GLIS3: variants seen among roughly 807,000 people sequenced by gnomAD.
GLIS3 encodes the protein zinc finger protein GLIS3.
A neutral mutation model predicts 78.6 loss-of-function variants in GLIS3; 53 were observed. The ratio of observed to expected loss-of-function variants is 0.67; its 90% CI spans 0.54 to 0.85. The LOEUF (loss-of-function observed/expected upper bound fraction) is 0.85, where lower values mean the gene tolerates loss of function less well. Among genes scored for constraint, GLIS3 ranks in the 40% least tolerant of loss-of-function variants. GLIS3 has a pLI of 0.00. For synonymous variants in GLIS3, 684 were observed against 509.9 expected (o/e 1.34, Z -4.60); for missense variants, 1,703 against 1,231.1 (o/e 1.38, Z -5.74).
At chr9:4,157,216 G>A (rs1166016950) in intron 2 of GLIS3, among the ~76,000 whole-genome samples, 1 of 152,178 alleles carries the variant, frequency 6.6e-6, no homozygotes, top group East Asian at 1.9e-4. Flanking sequence ...TAAGAATAAG[G>A]AGACACCAGG....
intron 2 of GLIS3, among the ~76,000 whole-genome samples, chr9:4,324,937 T>A (rs994553187): frequency 1.3e-5 from 2 of 152,234 alleles, no homozygotes; most frequent in Non-Finnish European, 2.9e-5. Flanking sequence ...GCAGTTAACA[T>A]TTACTGAGAA....
the GLIS3 span, among the ~76,000 whole-genome samples, chr9:4,411,886 G>C: frequency 6.6e-6 from 1 of 152,132 alleles, no homozygotes; most frequent in Non-Finnish European, 1.5e-5. Context: ...AACACTTTTG[G>C]TTAAAAATAC....
the GLIS3 span, among the ~76,000 whole-genome samples, chr9:4,460,574 T>G: frequency 2.1e-5 from 2 of 96,794 alleles, no homozygotes; most frequent in African/African-American, 4.3e-5. Context: ...CCCCCGAGTT[T>G]AAATATGAGG....
At chr9:4,043,116 G>A (rs1824961606) in intron 4 of GLIS3, among the ~76,000 whole-genome samples, 1 of 152,068 alleles carries the variant, frequency 6.6e-6, no homozygotes, top group Non-Finnish European at 1.5e-5. Context: ...CAGCTTCCCA[G>A]CCCCTCCCCT....
rs1412296795 is a variant in GLIS3 at position 4,323,951 on chromosome 9, A to AC, written n.265-13424dup. On this transcript the variant is annotated intron_variant and non_coding_transcript_variant, in intron 2 of 4. Coordinates refer to the GLIS3 transcript ENST00000471664. ...TGCATGACTTTGTTATATTTTTAGC[A>AC]CCATCGTCATTCTTTCATTTACTCA... Among the ~76,000 whole-genome samples the AC allele has an allele frequency of 2.0e-5, 3 of 152,220 alleles. No homozygotes were observed. In the East Asian group the frequency reaches 5.8e-4, roughly 29 times the overall value.
At chr9:4,280,071 G>A (rs1379849074) in intron 2 of GLIS3, among the ~76,000 whole-genome samples, 2 of 152,142 alleles carry the variant, frequency 1.3e-5, no homozygotes, top group Non-Finnish European at 2.9e-5. Context: ...CCAGGCTTGA[G>A]TGCAGTGGCA....
chr9:3,853,210 A>T (rs1425733402), intron 9 of GLIS3, among the ~76,000 whole-genome samples: 1 of 152,220 alleles, frequency 6.6e-6, no homozygotes, highest in East Asian at 1.9e-4. Context: ...GTCTCTAAAA[A>T]GTAAATTGTT....
At chr9:3,980,067 T>C (rs978505844) in intron 4 of GLIS3, among the ~76,000 whole-genome samples, 1 of 152,182 alleles carries the variant, frequency 6.6e-6, no homozygotes, top group African/African-American at 2.4e-5. Context: ...AAAGGACTGT[T>C]GGTGTCTGGA....
rs529362277 is a variant in GLIS3 at position 3,842,228 on chromosome 9, T to C, written c.2474-12736A>G. Among the ~76,000 whole-genome samples, 8 of 152,174 alleles carry C rather than the reference T, an allele frequency of 5.3e-5. No individual in the cohort carries two copies. The South Asian group carries it at 1.7e-3, about 32-fold the overall frequency. The stretch of plus-strand genomic sequence containing the variant: ...GTGGCTCACATCTGTAATCCCAGCA[T>C]GTTGGGAGGCCGAGATGGGTGGATC... On this transcript the variant is annotated intron_variant, in intron 9 of 10. Coordinates refer to ENST00000381971, the MANE Select transcript of GLIS3 (RefSeq NM_001042413.2).
At chr9:4,090,255 C>T (rs1353434750) in intron 4 of GLIS3, among the ~76,000 whole-genome samples, 1 of 152,158 alleles carries the variant, frequency 6.6e-6, no homozygotes, top group Non-Finnish European at 1.5e-5. Flanking sequence ...GTGCTGCCTT[C>T]CTGCCTACAG....
chr9:4,381,828 C>T, the GLIS3 span, among the ~76,000 whole-genome samples: 5 of 152,174 alleles, frequency 3.3e-5, no homozygotes, highest in Admixed American at 2.6e-4. Context: ...TTATTTCTTT[C>T]TTATACTCTC....
chr9:4,270,689 C>G (rs1000126212), intron 2 of GLIS3, among the ~76,000 whole-genome samples: 1 of 152,176 alleles, frequency 6.6e-6, no homozygotes, highest in Non-Finnish European at 1.5e-5. Context: ...CTTCTTGCAG[C>G]CTAATGAATT....
At chr9:4,367,108 A>T in the GLIS3 span, among the ~76,000 whole-genome samples, 1 of 152,230 alleles carries the variant, frequency 6.6e-6, no homozygotes. Flanking sequence ...GACAAAAATC[A>T]TATTACTCAA....
chr9:4,331,139 C>T (rs1817678981), intron 2 of GLIS3, among the ~76,000 whole-genome samples: 1 of 28,206 alleles, frequency 3.5e-5, no homozygotes, highest in Admixed American at 3.7e-4. Flanking sequence ...AGCTGTAAGT[C>T]TCAAGTTGTC....
At chr9:4,474,521 T>A in the GLIS3 span, among the ~76,000 whole-genome samples, 1 of 152,262 alleles carries the variant, frequency 6.6e-6, no homozygotes, top group South Asian at 2.1e-4. Context: ...AAAAAATGAA[T>A]CTTCATCCAT....
chr9:4,099,789 A>G (rs1046100236), intron 4 of GLIS3, among the ~76,000 whole-genome samples: 2 of 152,246 alleles, frequency 1.3e-5, no homozygotes, highest in African/African-American at 2.4e-5. Flanking sequence ...AAATGTCTGC[A>G]TTGTACTCAT....
At chr9:4,409,871 G>T in the GLIS3 span, among the ~76,000 whole-genome samples, 83 of 152,288 alleles carry the variant, frequency 5.5e-4, no homozygotes, top group South Asian at 0.016. Flanking sequence ...GCTACCGGAA[G>T]ATCCCCCATA....
chr9:4,214,050 A>G (rs1458184366), intron 2 of GLIS3, among the ~76,000 whole-genome samples: 1 of 152,206 alleles, frequency 6.6e-6, no homozygotes, highest in Non-Finnish European at 1.5e-5. Flanking sequence ...GAGTATGTGT[A>G]GTCTTAGTGA....
At chr9:3,894,611 C>T (rs1449032263) in intron 7 of GLIS3, among the ~76,000 whole-genome samples, 1 of 151,846 alleles carries the variant, frequency 6.6e-6, no homozygotes, top group African/African-American at 2.4e-5. Flanking sequence ...CGTCACCTCC[C>T]AGTAAGGAGG....
Sources: gnomAD v4.1 joint callset for allele counts (sites outside exome capture counted in the v4.1 genomes callset) on GRCh38, gnomAD v4.1.1 for gene constraint, MANE v1.5 for transcripts, NCBI Gene and HGNC (gene_info 2026-07-23, HGNC 2026-07-21) for gene names.